SUCLG2: variants seen among roughly 807,000 people sequenced by gnomAD.
The protein encoded by SUCLG2 is succinate--CoA ligase [GDP-forming] subunit beta, mitochondrial.
In SUCLG2, 42 loss-of-function variants were observed where a neutral mutation model predicts 47.9. The ratio of observed to expected loss-of-function variants is 0.88; its 90% CI spans 0.69 to 1.14. SUCLG2 has a LOEUF of 1.14. SUCLG2 is among the 50% of genes most tolerant of loss of function. The pLI is 0.00. For synonymous variants in SUCLG2, 195 were observed against 197.3 expected (o/e 0.99, Z 0.10); for missense variants, 571 against 525.9 (o/e 1.09, Z -0.84).
chr3:67,491,524 C>A (rs932391626), intron 9 of SUCLG2, among the ~76,000 whole-genome samples: 19 of 152,002 alleles, frequency 1.2e-4, no homozygotes, highest in African/African-American at 4.3e-4. Flanking sequence ...GCAACCACGC[C>A]TGGCTAATTT....
rs575069672 is a variant in SUCLG2, at chr3:67,489,893, G to T, written c.1062+5905C>A. Among the ~76,000 whole-genome samples, 263 of 152,244 alleles carry T rather than the reference G, an allele frequency of 1.7e-3. 3 individuals are homozygous for T. The highest frequency in any genetic ancestry group is 2.2e-3 in the Non-Finnish European group (153 of 68,002). On this transcript the variant is annotated intron_variant, in intron 9 of 10. Transcript: ENST00000307227. ...GTAAATGCCTATGTTACAGAAAAAT[G>T]AAACTTAAGGCTAACCAATTGGAAG...
At chr3:67,647,852 C>T (rs1575842765) in intron 1 of SUCLG2, among the ~76,000 whole-genome samples, 1 of 152,154 alleles carries the variant, frequency 6.6e-6, no homozygotes, top group Non-Finnish European at 1.5e-5. Flanking sequence ...GGAACAATAA[C>T]TCCTATTTCA....
intron 9 of SUCLG2, among the ~76,000 whole-genome samples, chr3:67,439,464 T>C (rs1703705165): frequency 6.6e-6 from 1 of 152,232 alleles, no homozygotes. Context: ...GCATATGACA[T>C]GATTGTATAT....
intron 4 of SUCLG2, among the ~76,000 whole-genome samples, chr3:67,525,488 A>G (rs572512114): frequency 1.3e-5 from 2 of 152,330 alleles, no homozygotes; most frequent in East Asian, 3.9e-4. Flanking sequence ...TGCCCAGCTG[A>G]ATTTTGACAA....
chr3:67,400,441 G>A (rs1174225693), intron 10 of SUCLG2, among the ~76,000 whole-genome samples: 2 of 152,088 alleles, frequency 1.3e-5, no homozygotes, highest in Non-Finnish European at 2.9e-5. Flanking sequence ...ATTTCTCAGA[G>A]TGTTTTTCCC....
intron 10 of SUCLG2, among the ~76,000 whole-genome samples, chr3:67,399,584 T>C (rs1368729886): frequency 2.6e-5 from 4 of 152,200 alleles, no homozygotes; most frequent in Admixed American, 6.5e-5. Flanking sequence ...CTAAAAAGCT[T>C]TTCTAATATG....
chr3:67,393,380 G>C (rs1018641842), intron 10 of SUCLG2, among the ~76,000 whole-genome samples: 16 of 152,236 alleles, frequency 1.1e-4, no homozygotes, highest in African/African-American at 3.4e-4. Flanking sequence ...TCCCGCACAT[G>C]GCTCAGAGGG....
intron 9 of SUCLG2, among the ~76,000 whole-genome samples, chr3:67,425,519 T>TA (rs955146873): frequency 6.6e-5 from 10 of 150,742 alleles, no homozygotes; most frequent in Non-Finnish European, 8.9e-5. Flanking sequence ...GGCCTAAGCA[T>TA]AAAAAAAAAG....
intron 2 of SUCLG2, among the ~76,000 whole-genome samples, chr3:67,592,693 A>G (rs1708191348): frequency 6.8e-6 from 1 of 147,216 alleles, no homozygotes; most frequent in Non-Finnish European, 1.5e-5. Context: ...ATCTAATCGT[A>G]AGCATATGTA....
At chr3:67,545,358 C>G (rs1243240894) in intron 2 of SUCLG2, among the ~76,000 whole-genome samples, 1 of 152,072 alleles carries the variant, frequency 6.6e-6, no homozygotes, top group Non-Finnish European at 1.5e-5. Flanking sequence ...AATGACCTAC[C>G]CCAAGAGAGA....
intron 6 of SUCLG2, among the ~76,000 whole-genome samples, chr3:67,513,306 C>T (rs767553843): frequency 2.0e-4 from 30 of 152,218 alleles, no homozygotes; most frequent in Admixed American, 5.2e-4. Context: ...TTGCTTAGTA[C>T]AAGGCTGCAT....
At chr3:67,632,429 C>T (rs1036501211) in intron 1 of SUCLG2, among the ~76,000 whole-genome samples, 7 of 152,072 alleles carry the variant, frequency 4.6e-5, no homozygotes, top group Non-Finnish European at 8.8e-5. Flanking sequence ...GTGATCTGCC[C>T]GCCTTGCCCT....
At chr3:67,587,303 G>A (rs538050541) in intron 2 of SUCLG2, among the ~76,000 whole-genome samples, 140 of 152,202 alleles carry the variant, frequency 9.2e-4, no homozygotes, top group African/African-American at 1.8e-3. Flanking sequence ...GTTTCTAGCC[G>A]TCTGATCTAC....
At chr3:67,482,369 C>T (rs924606428) in intron 9 of SUCLG2, among the ~76,000 whole-genome samples, 3 of 152,130 alleles carry the variant, frequency 2.0e-5, no homozygotes, top group Non-Finnish European at 4.4e-5. Context: ...TAAATTGGTG[C>T]AACTTTCAAT....
At chr3:67,482,439 C>T (rs1193189727) in intron 9 of SUCLG2, among the ~76,000 whole-genome samples, 1 of 151,384 alleles carries the variant, frequency 6.6e-6, no homozygotes, top group Non-Finnish European at 1.5e-5. Flanking sequence ...TTTGTTCTTT[C>T]AGTATAAGTT....
intron 1 of SUCLG2, among the ~76,000 whole-genome samples, chr3:67,610,910 A>G (rs1700516473): frequency 6.6e-6 from 1 of 152,142 alleles, no homozygotes; most frequent in Admixed American, 6.5e-5. Flanking sequence ...TACCCCCACT[A>G]CTAGACTGTG....
rs552439075 is a variant in SUCLG2 at position 67,369,434 on chromosome 3, C to T, written c.1184-8666G>A. On this transcript the variant is annotated intron_variant, in intron 10 of 10. Transcript: ENST00000493112. ...AGCAGCTGTCTACCTTCTCTTTGTT[C>T]TGATATATTGTGTGCTAATTCTCTC... Among the ~76,000 whole-genome samples the T allele has an allele frequency of 3.3e-5, 5 of 152,192 alleles. No individual in the cohort carries two copies. The East Asian group carries it at 9.7e-4, about 29-fold the overall frequency.
intron 9 of SUCLG2, among the ~76,000 whole-genome samples, chr3:67,426,260 T>G (rs886832273): frequency 1.3e-5 from 2 of 152,184 alleles, no homozygotes; most frequent in African/African-American, 2.4e-5. Flanking sequence ...TATTAGCACC[T>G]GAGGTCATTA....
intron 2 of SUCLG2, among the ~76,000 whole-genome samples, chr3:67,583,585 G>C (rs984423741): frequency 6.6e-6 from 1 of 152,208 alleles, no homozygotes; most frequent in African/African-American, 2.4e-5. Flanking sequence ...AAGTCTGGCA[G>C]GATGTAACTG....
Sources: gnomAD v4.1 joint callset for allele counts (sites outside exome capture counted in the v4.1 genomes callset) on GRCh38, gnomAD v4.1.1 for gene constraint, MANE v1.5 for transcripts, NCBI Gene and HGNC (gene_info 2026-07-23, HGNC 2026-07-21) for gene names.